The following SAMD5 variants were observed in gnomAD, a reference collection of about 807,000 sequenced individuals.
SAMD5 encodes sterile alpha motif domain containing 5.
SAMD5 carries 13 observed loss-of-function variants against 11.3 expected under a neutral mutation model. That is an observed-to-expected ratio of 1.15 (90% CI 0.75 to 1.83). The LOEUF is 1.83. Ranked by LOEUF, SAMD5 falls within the 40% of genes most tolerant of loss-of-function variation. The pLI, the probability that SAMD5 is intolerant of heterozygous loss-of-function variation, is 0.00. For synonymous variants in SAMD5, 129 were observed against 111.3 expected (o/e 1.16, Z -1.00); for missense variants, 255 against 239.1 (o/e 1.07, Z -0.44).
chr6:147,516,088 T>A (rs1251862985), intron 1 of SAMD5, among the ~76,000 whole-genome samples: 1 of 152,152 alleles, frequency 6.6e-6, no homozygotes, highest in Admixed American at 6.6e-5. Context: ...CTGGGCTAGA[T>A]GGCTGACCAC....
At chr6:147,726,089 C>G (rs1044330333) in intron 1 of SAMD5, among the ~76,000 whole-genome samples, 2 of 152,148 alleles carry the variant, frequency 1.3e-5, no homozygotes, top group Non-Finnish European at 2.9e-5. Context: ...ATTTACAACC[C>G]TACAACACAT....
chr6:147,763,659 CA>C, the SAMD5 span, among the ~76,000 whole-genome samples: 1 of 151,956 alleles, frequency 6.6e-6, no homozygotes, highest in Non-Finnish European at 1.5e-5. Context: ...TGGCTCACTG[CA>C]AGCTCTGCCT....
chr6:147,640,098 C>T (rs894712641), intron 1 of SAMD5, among the ~76,000 whole-genome samples: 8 of 151,968 alleles, frequency 5.3e-5, no homozygotes, highest in Admixed American at 3.9e-4. Flanking sequence ...GAGGCTGAGG[C>T]GGGCAGATCA....
intron 1 of SAMD5, among the ~76,000 whole-genome samples, chr6:147,606,290 G>C (rs1789698575): frequency 2.0e-5 from 3 of 152,208 alleles, no homozygotes; most frequent in African/African-American, 7.2e-5. Context: ...CTGATGTACT[G>C]TAAAGTGATC....
At chr6:147,729,934 A>G (rs1388903233) in intron 1 of SAMD5, 4 of 426,118 alleles carry the variant, frequency 9.4e-6, no homozygotes, top group Non-Finnish European at 1.9e-5. Context: ...AAAATACAGA[A>G]ATTAGCCAGG....
downstream of SAMD5, chr6:147,741,547 G>A (rs1195920381): frequency 3.3e-5 from 5 of 152,192 alleles, no homozygotes; most frequent in African/African-American, 1.2e-4. Context: ...AACAGAAACA[G>A]TGCTTTCCCG....
chr6:147,777,677 C>A, the SAMD5 span, among the ~76,000 whole-genome samples: 1 of 152,108 alleles, frequency 6.6e-6, no homozygotes, highest in Non-Finnish European at 1.5e-5. Context: ...TAATAATTTC[C>A]CATTCCTCCT....
intron 1 of SAMD5, among the ~76,000 whole-genome samples, chr6:147,670,892 C>T (rs539345550): frequency 3.3e-5 from 5 of 152,330 alleles, no homozygotes; most frequent in East Asian, 1.9e-4. Flanking sequence ...CCTTTGCATT[C>T]GCATCTTTCC....
chr6:147,615,648 T>A (rs1789855556), intron 1 of SAMD5, among the ~76,000 whole-genome samples: 1 of 152,184 alleles, frequency 6.6e-6, no homozygotes, highest in South Asian at 2.1e-4. Context: ...CAGAAATGGC[T>A]GAAGAATTTG....
the SAMD5 span, among the ~76,000 whole-genome samples, chr6:147,799,656 A>C: frequency 0.81 from 122,898 of 150,884 alleles, 50,596 homozygotes; most frequent in African/African-American, 0.94. Flanking sequence ...TAATATCCTG[A>C]AGAGTGTTTT....
In SAMD5 at chr6:147,657,491, G is replaced by A. The variant is rs115912048; in HGVS notation, c.163-79826G>A. Among the ~76,000 whole-genome samples the A allele has an allele frequency of 5.0e-3, 766 of 152,302 alleles. 10 individuals carry two copies. The highest frequency in any genetic ancestry group is 0.018 in the African/African-American group (745 of 41,562). Reference sequence around the variant, plus strand: ...AGAGAGAGTGAGTAAGCGTGAGAAAGAGAAATGAAAGAGAGCACAGATAAG... The same window carrying A: ...AGAGAGAGTGAGTAAGCGTGAGAAAAAGAAATGAAAGAGAGCACAGATAAG... On this transcript the variant is annotated intron_variant, in intron 1 of 1. Transcript: ENST00000566741.
At chr6:147,744,748 T>C in the SAMD5 span, among the ~76,000 whole-genome samples, 1 of 151,920 alleles carries the variant, frequency 6.6e-6, no homozygotes, top group African/African-American at 2.4e-5. Flanking sequence ...GAATACAAAA[T>C]TTAGCTGGGT....
At chr6:147,636,677 C>G (rs1347956573) in intron 1 of SAMD5, among the ~76,000 whole-genome samples, 1 of 152,134 alleles carries the variant, frequency 6.6e-6, no homozygotes, top group African/African-American at 2.4e-5. Context: ...TGGGGTCAGA[C>G]AGACCTTGAT....
the SAMD5 span, among the ~76,000 whole-genome samples, chr6:147,802,422 G>A: frequency 6.6e-6 from 1 of 151,578 alleles, no homozygotes; most frequent in Admixed American, 6.6e-5. Flanking sequence ...ATTTTTGCAA[G>A]GATGTGGAAC....
At chr6:147,849,259 C>T in the SAMD5 span, among the ~76,000 whole-genome samples, 1 of 145,444 alleles carries the variant, frequency 6.9e-6, no homozygotes, top group African/African-American at 2.6e-5. Context: ...AAAAGTAATT[C>T]TTTAAACTTT....
intron 1 of SAMD5, among the ~76,000 whole-genome samples, chr6:147,685,260 G>A (rs1008183004): frequency 3.3e-5 from 5 of 152,056 alleles, no homozygotes; most frequent in African/African-American, 1.2e-4. Context: ...GCAATGGTGC[G>A]ATCTCGGCTC....
chr6:147,669,483 A>T (rs1790767235), intron 1 of SAMD5, among the ~76,000 whole-genome samples: 1 of 129,016 alleles, frequency 7.8e-6, no homozygotes, highest in South Asian at 2.5e-4. Context: ...GCTGGAGTGC[A>T]GTGTCATGGT....
intron 1 of SAMD5, among the ~76,000 whole-genome samples, chr6:147,528,742 G>A (rs148160415): frequency 6.6e-6 from 1 of 152,332 alleles, no homozygotes; most frequent in African/African-American, 2.4e-5. Flanking sequence ...TGGTTGCCTA[G>A]TGAAAGTGGT....
the SAMD5 span, among the ~76,000 whole-genome samples, chr6:147,887,054 A>G: frequency 8.5e-5 from 13 of 152,358 alleles, no homozygotes; most frequent in East Asian, 2.5e-3. Context: ...AAACTGTGAG[A>G]AAATAAATGT....
Sources: gnomAD v4.1 joint callset for allele counts (sites outside exome capture counted in the v4.1 genomes callset) on GRCh38, gnomAD v4.1.1 for gene constraint, MANE v1.5 for transcripts, NCBI Gene and HGNC (gene_info 2026-07-23, HGNC 2026-07-21) for gene names.